DLGAP1: variants seen among roughly 807,000 people sequenced by gnomAD.
The protein encoded by DLGAP1 is disks large-associated protein 1.
DLGAP1 carries 11 observed loss-of-function variants against 90.8 expected under a neutral mutation model. The ratio of observed to expected loss-of-function variants is 0.12; its 90% CI spans 0.08 to 0.20. DLGAP1 has a LOEUF of 0.20. Ranked by LOEUF, DLGAP1 falls within the 10% of genes least tolerant of loss-of-function variation. DLGAP1 has a pLI of 1.00. For synonymous variants in DLGAP1, 558 were observed against 540.7 expected (o/e 1.03, Z -0.44); for missense variants, 1,050 against 1,333.8 (o/e 0.79, Z 3.31).
At chr18:4,122,880 A>C (rs1002672592) in intron 2 of DLGAP1, among the ~76,000 whole-genome samples, 8 of 152,142 alleles carry the variant, frequency 5.3e-5, no homozygotes, top group African/African-American at 1.9e-4. Context: ...TCAGGAGGGA[A>C]GGGGAGATGG....
intron 1 of DLGAP1, among the ~76,000 whole-genome samples, chr18:4,238,012 A>G (rs2078455696): frequency 6.6e-6 from 1 of 152,168 alleles, no homozygotes; most frequent in African/African-American, 2.4e-5. Flanking sequence ...TGAGCATCCC[A>G]AATTCAAAAA....
chr18:3,624,172 T>A (rs2058206650), intron 7 of DLGAP1, among the ~76,000 whole-genome samples: 1 of 152,228 alleles, frequency 6.6e-6, no homozygotes, highest in African/African-American at 2.4e-5. Flanking sequence ...CATGAGCCTG[T>A]CCAACGGTTG....
intron 2 of DLGAP1, among the ~76,000 whole-genome samples, chr18:4,137,026 A>G (rs943098936): frequency 6.6e-6 from 1 of 152,094 alleles, no homozygotes; most frequent in African/African-American, 2.4e-5. Flanking sequence ...CATTAGGTAT[A>G]TCTCCTAATG....
At position 4,356,787 on chromosome 18, in the gene DLGAP1, C is replaced by A. The variant is rs186656424; in HGVS notation, c.-267+98219G>T. Among the ~76,000 whole-genome samples, 6 of 152,260 alleles carry A rather than the reference C, an allele frequency of 3.9e-5. No homozygotes were observed. In the East Asian group the frequency reaches 1.2e-3, roughly 29 times the overall value. ...TGACATTCCTCTGCCCAAAAAGACCCTATATATTTTGTTGTTTGTTACTTT... is the reference window on the plus strand; with the variant it reads ...TGACATTCCTCTGCCCAAAAAGACCATATATATTTTGTTGTTTGTTACTTT... On this transcript the variant is annotated intron_variant, in intron 1 of 12. Transcript: ENST00000315677.
chr18:3,703,848 C>T (rs1341427366), intron 7 of DLGAP1, among the ~76,000 whole-genome samples: 1 of 152,158 alleles, frequency 6.6e-6, no homozygotes, highest in Non-Finnish European at 1.5e-5. Context: ...ACTTTCCACA[C>T]ACGGTTTTTG....
intron 11 of DLGAP1, 24 bp downstream of exon 11, chr18:3,508,546 T>C: frequency 2.6e-6 from 4 of 1,560,630 alleles, no homozygotes; most frequent in Non-Finnish European, 3.5e-6. Flanking sequence ...AGCAGGGAAA[T>C]TGTAGAAGGA....
At chr18:4,069,703 G>A (rs975557258) in intron 2 of DLGAP1, among the ~76,000 whole-genome samples, 4 of 152,196 alleles carry the variant, frequency 2.6e-5, no homozygotes, top group Admixed American at 6.5e-5. Flanking sequence ...CCAGCATCAC[G>A]CTTCCCATAC....
At chr18:3,586,443 T>A (rs2055892080) in intron 7 of DLGAP1, among the ~76,000 whole-genome samples, 3 of 152,076 alleles carry the variant, frequency 2.0e-5, no homozygotes, top group Admixed American at 6.6e-5. Context: ...AGCGGCACTG[T>A]CCAGTCATGG....
At chr18:3,544,312 C>T (rs934536252) in intron 9 of DLGAP1, among the ~76,000 whole-genome samples, 5 of 152,232 alleles carry the variant, frequency 3.3e-5, no homozygotes, top group African/African-American at 9.6e-5. Context: ...TGCTTGAATC[C>T]GGGAGGTGGA....
At chr18:4,380,548 A>G (rs777746933) in intron 1 of DLGAP1, among the ~76,000 whole-genome samples, 9 of 152,274 alleles carry the variant, frequency 5.9e-5, no homozygotes, top group Middle Eastern at 6.8e-3. Context: ...ACTTCTATAC[A>G]TGCTCCCAGT....
chr18:4,288,070 T>TTTTA (rs1173418515), intron 1 of DLGAP1, among the ~76,000 whole-genome samples: 1 of 151,002 alleles, frequency 6.6e-6, no homozygotes. Context: ...TGACAAATTT[T>TTTTA]TTATTATTAT....
At chr18:4,015,398 G>A (rs1046811535) in intron 2 of DLGAP1, among the ~76,000 whole-genome samples, 18 of 152,094 alleles carry the variant, frequency 1.2e-4, no homozygotes, top group Admixed American at 4.6e-4. Flanking sequence ...CCTAAGTTGG[G>A]GTGAGGAAGC....
chr18:4,087,279 C>G (rs1028693343), intron 2 of DLGAP1, among the ~76,000 whole-genome samples: 4 of 151,782 alleles, frequency 2.6e-5, no homozygotes, highest in Non-Finnish European at 5.9e-5. Context: ...TGGCCATAAA[C>G]AAAATCTCTG....
At chr18:3,572,334 TA>T (rs1268829366) in intron 8 of DLGAP1, among the ~76,000 whole-genome samples, 4 of 152,280 alleles carry the variant, frequency 2.6e-5, no homozygotes, top group African/African-American at 9.6e-5. Flanking sequence ...CAACACTGAA[TA>T]AGCCTAAGAA....
intron 5 of DLGAP1, among the ~76,000 whole-genome samples, chr18:3,805,202 T>C (rs976139616): frequency 1.3e-5 from 2 of 152,220 alleles, no homozygotes; most frequent in African/African-American, 4.8e-5. Flanking sequence ...CGAATCTGCA[T>C]AATTACCCTT....
At chr18:4,192,270 C>T (rs570873575) in intron 1 of DLGAP1, among the ~76,000 whole-genome samples, 3 of 152,162 alleles carry the variant, frequency 2.0e-5, no homozygotes, top group East Asian at 3.9e-4. Context: ...TTTAAAGTGC[C>T]TGATGAGCCA....
chr18:4,358,310 G>A lies in DLGAP1; in HGVS notation c.-267+96696C>T, dbSNP rs149608308. Among the ~76,000 whole-genome samples, 791 of 152,328 alleles carry A rather than the reference G, an allele frequency of 5.2e-3. 5 individuals are homozygous for A. Among genetic ancestry groups the A allele is most frequent in the South Asian group, 0.016 (76 of 4,828 alleles). ...GATTTCTTTGAAATTGGGTGATCAT[G>A]TTATTACGCTGTGGTGACATTTGAG... On this transcript the variant is annotated intron_variant, in intron 1 of 12. Coordinates refer to ENST00000315677, the MANE Select transcript of DLGAP1 (RefSeq NM_004746.4).
intron 5 of DLGAP1, among the ~76,000 whole-genome samples, chr18:3,787,342 G>A (rs540887158): frequency 1.1e-4 from 17 of 152,068 alleles, no homozygotes; most frequent in African/African-American, 3.1e-4. Flanking sequence ...TTAGCTAGGC[G>A]TGGTGGTGGG....
intron 7 of DLGAP1, among the ~76,000 whole-genome samples, chr18:3,611,917 A>G (rs1194926884): frequency 6.6e-6 from 1 of 152,228 alleles, no homozygotes; most frequent in Non-Finnish European, 1.5e-5. Context: ...GATCCTCTCC[A>G]AGCTCTGCTG....
Sources: allele counts gnomAD v4.1 joint callset (sites outside exome capture counted in the v4.1 genomes callset), GRCh38; gene constraint gnomAD v4.1.1; transcripts MANE v1.5; gene names NCBI Gene and HGNC (gene_info 2026-07-23, HGNC 2026-07-21).